MAPKAP1: variants seen among roughly 807,000 people sequenced by gnomAD.
MAPKAP1 encodes target of rapamycin complex 2 subunit MAPKAP1.
A neutral mutation model predicts 65.7 loss-of-function variants in MAPKAP1; 20 were observed. The ratio of observed to expected loss-of-function variants is 0.30; its 90% CI spans 0.21 to 0.44. The LOEUF (loss-of-function observed/expected upper bound fraction) is 0.44, where lower values mean the gene tolerates loss of function less well. Ranked by LOEUF, MAPKAP1 falls within the 20% of genes least tolerant of loss-of-function variation. MAPKAP1 has a pLI of 1.00. For synonymous variants in MAPKAP1, 222 were observed against 244.3 expected (o/e 0.91, Z 0.85); for missense variants, 423 against 648.0 (o/e 0.65, Z 3.77).
At chr9:125,585,971 T>C (rs1831771500) in intron 4 of MAPKAP1, among the ~76,000 whole-genome samples, 1 of 152,094 alleles carries the variant, frequency 6.6e-6, no homozygotes, top group Non-Finnish European at 1.5e-5. Flanking sequence ...GCACTACAAC[T>C]AAGAGGAAAA....
At chr9:125,614,778 C>A (rs955768417) in intron 4 of MAPKAP1, among the ~76,000 whole-genome samples, 1 of 152,078 alleles carries the variant, frequency 6.6e-6, no homozygotes, top group African/African-American at 2.4e-5. Context: ...ACAGAAAGGA[C>A]TTTTATTAAC....
At chr9:125,649,676 G>C (rs947141906) in intron 4 of MAPKAP1, among the ~76,000 whole-genome samples, 12 of 151,032 alleles carry the variant, frequency 7.9e-5, no homozygotes, top group African/African-American at 2.7e-4. Flanking sequence ...ACACAAACCA[G>C]ACAATAGGAT....
At chr9:125,440,501 C>T (rs944922409) in intron 11 of MAPKAP1, among the ~76,000 whole-genome samples, 1 of 152,206 alleles carries the variant, frequency 6.6e-6, no homozygotes, top group Non-Finnish European at 1.5e-5. Context: ...CAGCCACTGC[C>T]TCTGCTGATT....
At chr9:125,681,689 G>C (rs898023734) in intron 1 of MAPKAP1, among the ~76,000 whole-genome samples, 1 of 152,200 alleles carries the variant, frequency 6.6e-6, no homozygotes, top group African/African-American at 2.4e-5. Flanking sequence ...ACCTAGGGGA[G>C]CCACCTACAG....
chr9:125,584,690 G>T (rs1193813403), intron 5 of MAPKAP1, among the ~76,000 whole-genome samples: 1 of 152,084 alleles, frequency 6.6e-6, no homozygotes, highest in Non-Finnish European at 1.5e-5. Context: ...GCCTTCCAAC[G>T]TGCTGGGATT....
intron 10 of MAPKAP1, among the ~76,000 whole-genome samples, chr9:125,456,956 TTCA>T (rs913103768): frequency 2.6e-5 from 4 of 152,130 alleles, no homozygotes; most frequent in African/African-American, 7.2e-5. Context: ...CTGATCTTTT[TTCA>T]TCATCATACT....
At chr9:125,611,832 A>C (rs1394105581) in intron 4 of MAPKAP1, among the ~76,000 whole-genome samples, 13 of 152,320 alleles carry the variant, frequency 8.5e-5, no homozygotes, top group Non-Finnish European at 7.4e-5. Flanking sequence ...CACAATTAAC[A>C]AGAAAAAATG....
At chr9:125,571,696 T>TA (rs60707315) in intron 5 of MAPKAP1, among the ~76,000 whole-genome samples, 4 of 151,230 alleles carry the variant, frequency 2.6e-5, no homozygotes, top group South Asian at 2.1e-4. Context: ...CCATCTTTAC[T>TA]AAAAAAAAAT....
At chr9:125,685,472 G>A (rs1834947898) in intron 1 of MAPKAP1, among the ~76,000 whole-genome samples, 1 of 152,212 alleles carries the variant, frequency 6.6e-6, no homozygotes, top group Admixed American at 6.5e-5. Flanking sequence ...AAAGACTGGG[G>A]TGAGTCTGTA....
In MAPKAP1 at chr9:125,582,778, T is replaced by C. The variant is rs558485921; in HGVS notation, c.671+2777A>G. On this transcript the variant is annotated intron_variant, in intron 5 of 11. Transcript: ENST00000265960. ...CTCTGGTCCCCGTCCAGGGATGCAG[T>C]TCCTTTGGTCCCATACCCTCATGTA... Among the ~76,000 whole-genome samples the C allele has an allele frequency of 6.9e-4, 105 of 152,324 alleles. 1 individual carries two copies. The highest frequency in any genetic ancestry group is 2.4e-3 in the African/African-American group (100 of 41,574).
chr9:125,685,595 T>A (rs1194308805), intron 1 of MAPKAP1, among the ~76,000 whole-genome samples: 1 of 152,368 alleles, frequency 6.6e-6, no homozygotes, highest in South Asian at 2.1e-4. Flanking sequence ...CTGGTTGCCA[T>A]GTTAAGGAAT....
chr9:125,485,200 C>A (rs150736633), intron 8 of MAPKAP1, among the ~76,000 whole-genome samples: 3 of 152,270 alleles, frequency 2.0e-5, no homozygotes, highest in African/African-American at 4.8e-5. Context: ...ACTGACAGAG[C>A]CCCCACTGGC....
intron 1 of MAPKAP1, among the ~76,000 whole-genome samples, chr9:125,698,296 T>TATATAA (rs1835470795): frequency 4.0e-4 from 4 of 10,064 alleles, no homozygotes; most frequent in Non-Finnish European, 8.1e-4. Context: ...TAAATATATA[T>TATATAA]ATATATATAT....
intron 1 of MAPKAP1, among the ~76,000 whole-genome samples, chr9:125,679,141 A>G (rs1314041209): frequency 2.0e-5 from 3 of 152,038 alleles, no homozygotes; most frequent in Non-Finnish European, 2.9e-5. Flanking sequence ...GGCTGGGATT[A>G]TAAGTGTGCA....
At chr9:125,542,808 C>T in intron 7 of MAPKAP1, 1 of 590,096 alleles carries the variant, frequency 1.7e-6, no homozygotes, top group Non-Finnish European at 3.2e-6. Context: ...CTGAGTCTAC[C>T]ACAAATTATT....
intron 8 of MAPKAP1, among the ~76,000 whole-genome samples, chr9:125,500,144 A>G (rs746110865): frequency 7.9e-5 from 12 of 152,102 alleles, no homozygotes; most frequent in Admixed American, 3.9e-4. Context: ...CAGAACACTA[A>G]TGTTTGTTAT....
chr9:125,443,517 G>A (rs891513226), intron 11 of MAPKAP1, among the ~76,000 whole-genome samples: 1 of 152,112 alleles, frequency 6.6e-6, no homozygotes, highest in African/African-American at 2.4e-5. Flanking sequence ...TCAGAGTGTG[G>A]TGCCCAGACC....
At chr9:125,446,560 A>G (rs537552398) in intron 10 of MAPKAP1, among the ~76,000 whole-genome samples, 7 of 152,234 alleles carry the variant, frequency 4.6e-5, no homozygotes, top group Admixed American at 4.6e-4. Flanking sequence ...CAATGCGGGC[A>G]CCTTTGTTGG....
intron 11 of MAPKAP1, among the ~76,000 whole-genome samples, chr9:125,443,565 A>G (rs1231351191): frequency 6.6e-6 from 1 of 152,110 alleles, no homozygotes; most frequent in African/African-American, 2.4e-5. Flanking sequence ...TTGGAAACGT[A>G]TGATCTCAGG....
Sources: allele counts gnomAD v4.1 joint callset (sites outside exome capture counted in the v4.1 genomes callset), GRCh38; gene constraint gnomAD v4.1.1; transcripts MANE v1.5; gene names NCBI Gene and HGNC (gene_info 2026-07-23, HGNC 2026-07-21).